Variants in RALGAPA2 observed in about 807,000 individuals in gnomAD.
RALGAPA2 encodes ral GTPase-activating protein subunit alpha-2.
Under a neutral mutation model 230.4 loss-of-function variants are expected in RALGAPA2, and 139 were observed. The observed-to-expected ratio is 0.60, with a 90% CI of 0.53 to 0.69. RALGAPA2 has a LOEUF of 0.69. Ranked by LOEUF, RALGAPA2 falls within the 30% of genes least tolerant of loss-of-function variation. The pLI, the probability that RALGAPA2 is intolerant of heterozygous loss-of-function variation, is 0.00. For missense variants in RALGAPA2, 2,163 were observed against 2,276.0 expected, an observed-to-expected ratio of 0.95 and a Z score of 1.01; for synonymous variants, 847 against 837.8, an observed-to-expected ratio of 1.01 and a Z score of -0.19.
chr20:20,543,545 C>T (rs1437477572), intron 24 of RALGAPA2, among the ~76,000 whole-genome samples: 1 of 152,152 alleles, frequency 6.6e-6, no homozygotes. Flanking sequence ...GAATACTATG[C>T]AGCCATAAAA....
intron 10 of RALGAPA2, among the ~76,000 whole-genome samples, chr20:20,625,980 CCT>C (rs1421316900): frequency 6.6e-6 from 1 of 152,172 alleles, no homozygotes; most frequent in Non-Finnish European, 1.5e-5. Context: ...GGTTCTTTAG[CCT>C]CTGTCATGAG....
At chr20:20,423,218 G>A (rs576826899) in intron 37 of RALGAPA2, among the ~76,000 whole-genome samples, 22 of 152,306 alleles carry the variant, frequency 1.4e-4, no homozygotes, top group Admixed American at 4.6e-4. Flanking sequence ...GGGTTGAGTG[G>A]AGGAGTCTGA....
intron 12 of RALGAPA2, 56 bp from the exon 13 acceptor site, chr20:20,616,247 A>T: frequency 7.8e-7 from 1 of 1,289,496 alleles, no homozygotes; most frequent in South Asian, 1.8e-5. Flanking sequence ...CATTTGAATA[A>T]ATTTTGCTTA....
chr20:20,709,083 C>T (rs1235798726), intron 1 of RALGAPA2, among the ~76,000 whole-genome samples: 2 of 152,164 alleles, frequency 1.3e-5, no homozygotes, highest in African/African-American at 2.4e-5. Flanking sequence ...CTTTGGGAGG[C>T]CGAGTCGGGC....
chr20:20,505,515 C>T lies in RALGAPA2; in HGVS notation c.4948G>A (p.Ala1650Thr), dbSNP rs376669695. 37 of 1,593,932 alleles carry T rather than the reference C, an allele frequency of 2.3e-5. No individual in the cohort carries two copies. Among genetic ancestry groups the T allele is most frequent in the African/African-American group, 4.0e-5 (3 of 74,144 alleles). ...TGACCTTCAGCAATGTAAAACACTGCGATTTTGTGTGTCTCACGGCTATAA... is the reference window on the plus strand; with the variant it reads ...TGACCTTCAGCAATGTAAAACACTGTGATTTTGTGTGTCTCACGGCTATAA... ...SRQCRETHKI[A>T]VFYIAEGQED... is the part of the protein sequence containing the mutation. Residue 1650 changes from alanine (A) to threonine (T), a missense_variant, in exon 34 of 40, where the codon GCA becomes ACA. Physicochemically the swap from Ala to Thr is moderately conservative, Grantham distance 58. Transcript: ENST00000202677.
At chr20:20,656,235 C>T (rs1200657676) in intron 3 of RALGAPA2, among the ~76,000 whole-genome samples, 1 of 152,194 alleles carries the variant, frequency 6.6e-6, no homozygotes, top group Non-Finnish European at 1.5e-5. Flanking sequence ...GGCTAATGTG[C>T]TCGAATCCAA....
At chr20:20,421,309 T>C in intron 37 of RALGAPA2, among the ~76,000 whole-genome samples, 1 of 152,174 alleles carries the variant, frequency 6.6e-6, no homozygotes, top group Non-Finnish European at 1.5e-5. Context: ...GCGACAGTAA[T>C]AACCAGTGAG....
chr20:20,591,691 C>CAA (rs2065295718), intron 16 of RALGAPA2, among the ~76,000 whole-genome samples: 1 of 152,080 alleles, frequency 6.6e-6, no homozygotes, highest in African/African-American at 2.4e-5. Flanking sequence ...AAACCACACA[C>CAA]ACACACACAC....
At chr20:20,598,728 G>A (rs1032050544) in intron 16 of RALGAPA2, 4 of 456,334 alleles carry the variant, frequency 8.8e-6, no homozygotes, top group African/African-American at 2.0e-5. Flanking sequence ...GTAAGAGAGC[G>A]CTCACGGTGT....
intron 6 of RALGAPA2, among the ~76,000 whole-genome samples, chr20:20,640,198 A>G (rs2066986743): frequency 6.6e-6 from 1 of 152,220 alleles, no homozygotes; most frequent in African/African-American, 2.4e-5. Flanking sequence ...CAATGGTCCT[A>G]ACAGGCAAGT....
At chr20:20,696,666 T>C (rs1462250186) in intron 1 of RALGAPA2, among the ~76,000 whole-genome samples, 2 of 151,906 alleles carry the variant, frequency 1.3e-5, no homozygotes, top group African/African-American at 2.4e-5. Context: ...TCCATGAGAT[T>C]TCCAGTCTAT....
intron 14 of RALGAPA2, 136 bp downstream of exon 14, chr20:20,611,179 A>G: frequency 8.1e-7 from 1 of 1,237,290 alleles, no homozygotes. Flanking sequence ...CATAACCTTC[A>G]GGACAAAGCT....
intron 37 of RALGAPA2, among the ~76,000 whole-genome samples, chr20:20,429,843 T>C (rs1454913650): frequency 6.6e-6 from 1 of 152,106 alleles, no homozygotes; most frequent in African/African-American, 2.4e-5. Flanking sequence ...TCCAAGGGGG[T>C]GAACCATTTC....
At chr20:20,675,276 T>TA (rs2068278391) in intron 3 of RALGAPA2, among the ~76,000 whole-genome samples, 1 of 152,144 alleles carries the variant, frequency 6.6e-6, no homozygotes, top group African/African-American at 2.4e-5. Flanking sequence ...GAACCAGGGC[T>TA]ATTGAGCACT....
rs1415575796 is a variant in RALGAPA2 at position 20,515,639 on chromosome 20, A to AAGC, written c.4085-2358_4085-2356dup. The stretch of plus-strand genomic sequence containing the variant: ...GGAGTGATGAGAAACATAAAAGTAG[A>AAGC]AGCAGCAGCAGGAAATGCCTTGCAG... On this transcript the variant is annotated intron_variant, in intron 31 of 39. Coordinates refer to ENST00000202677, the MANE Select transcript of RALGAPA2 (RefSeq NM_020343.4). Among the ~76,000 whole-genome samples the AAGC allele has an allele frequency of 2.0e-5, 3 of 152,326 alleles. No homozygotes were observed. In the South Asian group the frequency reaches 6.2e-4, roughly 32 times the overall value.
intron 39 of RALGAPA2, among the ~76,000 whole-genome samples, chr20:20,393,643 C>G (rs942546581): frequency 1.3e-5 from 2 of 152,126 alleles, no homozygotes; most frequent in Non-Finnish European, 2.9e-5. Flanking sequence ...TCTGCAGATC[C>G]CTGGCGGTGT....
chr20:20,409,205 C>G (rs1487964132), intron 38 of RALGAPA2, among the ~76,000 whole-genome samples: 1 of 152,192 alleles, frequency 6.6e-6, no homozygotes, highest in Non-Finnish European at 1.5e-5. Flanking sequence ...GCTTCAGGCA[C>G]AGGCCATTCC....
At position 20,524,468 on chromosome 20, in the gene RALGAPA2, A is replaced by G; in HGVS notation, c.3838T>C (p.Ser1280Pro). Residue 1280 changes from serine (S) to proline (P), a missense_variant, in exon 30 of 40, where the codon TCC (serine) becomes CCC (proline). Coordinates refer to ENST00000202677, the MANE Select transcript of RALGAPA2 (RefSeq NM_020343.4). Reference protein sequence around the residue: ...LPVSVLLHPVSTAVLEEQHSA... With the variant: ...LPVSVLLHPVPTAVLEEQHSA... The stretch of plus-strand genomic sequence containing the variant: ...TGCTGCTCCTCTAGGACTGCTGTGG[A>G]CACGGGGTGGAGAAGGACACTCACG... 1 of 1,613,970 alleles carries G rather than the reference A, an allele frequency of 6.2e-7. No homozygotes were observed. The highest frequency in any genetic ancestry group is 2.2e-5 in the East Asian group (1 of 44,856).
intron 9 of RALGAPA2, 42 bp downstream of exon 9, chr20:20,635,376 T>C: frequency 6.6e-7 from 1 of 1,518,826 alleles, no homozygotes; most frequent in Middle Eastern, 1.7e-4. Context: ...GTGTATTTTA[T>C]TACACAAGCA....
Sources: gnomAD v4.1 joint callset for allele counts (sites outside exome capture counted in the v4.1 genomes callset) on GRCh38, gnomAD v4.1.1 for gene constraint, MANE v1.5 for transcripts, NCBI Gene and HGNC (gene_info 2026-07-23, HGNC 2026-07-21) for gene names.